The following RAP1A variants were observed in gnomAD, a reference collection of about 807,000 sequenced individuals.
RAP1A encodes the protein ras-related protein Rap-1A.
RAP1A carries 6 observed loss-of-function variants against 26.4 expected under a neutral mutation model. That is an observed-to-expected ratio of 0.23 (90% CI 0.12 to 0.45). The LOEUF is 0.45. Among genes scored for constraint, RAP1A ranks in the 20% least tolerant of loss-of-function variants. The pLI is 0.99. For synonymous variants in RAP1A, 73 were observed against 79.4 expected (o/e 0.92, Z 0.43); for missense variants, 121 against 217.2 (o/e 0.56, Z 2.78).
At chr1:111,700,803 G>A (rs183052354) in intron 4 of RAP1A, among the ~76,000 whole-genome samples, 1 of 152,144 alleles carries the variant, frequency 6.6e-6, no homozygotes, top group African/African-American at 2.4e-5. Flanking sequence ...AAACCATGGA[G>A]TCGTCCTTGA....
intron 1 of RAP1A, among the ~76,000 whole-genome samples, chr1:111,556,918 C>T (rs114390340): frequency 0.082 from 12,117 of 148,558 alleles, 1,143 homozygotes; most frequent in African/African-American, 0.23. Flanking sequence ...TATGTATGTA[C>T]ATATATATTA....
At chr1:111,661,404 C>CT (rs1660632943) in intron 1 of RAP1A, among the ~76,000 whole-genome samples, 1 of 152,138 alleles carries the variant, frequency 6.6e-6, no homozygotes, top group Non-Finnish European at 1.5e-5. Flanking sequence ...CTTATTTAGT[C>CT]TGTTATGGTT....
At chr1:111,603,438 G>C (rs1291414921) in intron 1 of RAP1A, among the ~76,000 whole-genome samples, 1 of 152,170 alleles carries the variant, frequency 6.6e-6, no homozygotes, top group East Asian at 1.9e-4. Flanking sequence ...GTGGAAATTA[G>C]TTTACTGGGG....
intron 1 of RAP1A, among the ~76,000 whole-genome samples, chr1:111,685,619 A>G (rs1487086004): frequency 6.6e-6 from 1 of 152,188 alleles, no homozygotes; most frequent in Non-Finnish European, 1.5e-5. Flanking sequence ...AAAAGTCAGG[A>G]AACAACATAT....
At chr1:111,666,194 A>T (rs2101169307) in intron 1 of RAP1A, among the ~76,000 whole-genome samples, 1 of 152,340 alleles carries the variant, frequency 6.6e-6, no homozygotes, top group East Asian at 1.9e-4. Flanking sequence ...CATGACATGA[A>T]AATTCACAGT....
At chr1:111,712,366 A>G (rs1662410555) in intron 7 of RAP1A, 65 bp from the exon 8 acceptor site, 1 of 152,488 alleles carries the variant, frequency 6.6e-6, no homozygotes, top group Non-Finnish European at 1.5e-5. Context: ...CTGCTTGTTT[A>G]GTACCATTTT....
At chr1:111,607,742 T>G (rs1658821653) in intron 1 of RAP1A, among the ~76,000 whole-genome samples, 1 of 123,964 alleles carries the variant, frequency 8.1e-6, no homozygotes, top group South Asian at 2.6e-4. Context: ...GCAGAGGGGC[T>G]CCTCACTTCC....
At chr1:111,591,742 G>A (rs548168988) in intron 1 of RAP1A, among the ~76,000 whole-genome samples, 17 of 152,240 alleles carry the variant, frequency 1.1e-4, no homozygotes, top group African/African-American at 4.1e-4. Context: ...CTATCTTTCT[G>A]TTCTGTCATC....
chr1:111,551,804 A>G (rs1015564992), intron 1 of RAP1A, among the ~76,000 whole-genome samples: 1 of 149,726 alleles, frequency 6.7e-6, no homozygotes, highest in Non-Finnish European at 1.5e-5. Flanking sequence ...GGATTCTGCA[A>G]CTTTATTGGG....
intron 4 of RAP1A, among the ~76,000 whole-genome samples, chr1:111,700,418 G>A (rs758158557): frequency 1.3e-5 from 2 of 152,098 alleles, no homozygotes; most frequent in Admixed American, 6.5e-5. Context: ...AAGAGTGAGC[G>A]GGAGATGCCA....
chr1:111,649,115 G>A (rs1244875482), intron 1 of RAP1A: 21 of 592,598 alleles, frequency 3.5e-5, no homozygotes, highest in Middle Eastern at 4.8e-4. Context: ...GATGGGCATT[G>A]TCAATCTGCA....
At chr1:111,707,391 CAATA>C (rs1571577585) in intron 6 of RAP1A, among the ~76,000 whole-genome samples, 1 of 151,976 alleles carries the variant, frequency 6.6e-6, no homozygotes, top group African/African-American at 2.4e-5. Flanking sequence ...GATGTAAGAA[CAATA>C]AAGAAGAATT....
chr1:111,578,136 C>T (rs997716440), intron 1 of RAP1A, among the ~76,000 whole-genome samples: 3 of 151,968 alleles, frequency 2.0e-5, no homozygotes, highest in Admixed American at 1.3e-4. Flanking sequence ...TGTGTTTGAA[C>T]TGAGTTTTGA....
intron 6 of RAP1A, among the ~76,000 whole-genome samples, chr1:111,706,148 T>C (rs1362169197): frequency 6.6e-6 from 1 of 152,202 alleles, no homozygotes; most frequent in Non-Finnish European, 1.5e-5. Context: ...TGAAATGCAT[T>C]AGCCATCTCA....
chr1:111,637,111 C>T (rs574698020), intron 1 of RAP1A, among the ~76,000 whole-genome samples: 1 of 152,170 alleles, frequency 6.6e-6, no homozygotes, highest in South Asian at 2.1e-4. Context: ...TTATTTATCT[C>T]CATATTTTCA....
At chr1:111,579,877 T>C (rs1383568964) in intron 1 of RAP1A, among the ~76,000 whole-genome samples, 2 of 151,758 alleles carry the variant, frequency 1.3e-5, no homozygotes, top group Non-Finnish European at 2.9e-5. Context: ...TGGTGTGATC[T>C]CGGCTCACTG....
At chr1:111,698,517 G>T (rs1380055645) in intron 4 of RAP1A, among the ~76,000 whole-genome samples, 3 of 152,042 alleles carry the variant, frequency 2.0e-5, no homozygotes, top group African/African-American at 7.3e-5. Flanking sequence ...GTTCTTCCTG[G>T]CTCTGCTTCT....
In RAP1A at chr1:111,629,256, T is replaced by C. The variant is rs1571509464; in HGVS notation, c.-28+9322T>C. Among the ~76,000 whole-genome samples, 4 of 152,272 alleles carry C rather than the reference T, an allele frequency of 2.6e-5. No homozygotes were observed. In the East Asian group the frequency reaches 7.7e-4, roughly 29 times the overall value. On this transcript the variant is annotated intron_variant, in intron 1 of 7. Coordinates refer to ENST00000369709, the MANE Select transcript of RAP1A (RefSeq NM_002884.4). ...AAAAACATTACTTTTAGTGTTCCTG[T>C]TTTCTCTCTCAGCCCTGAATTTTCC...
intron 2 of RAP1A, among the ~76,000 whole-genome samples, chr1:111,691,622 A>G (rs889494615): frequency 6.6e-6 from 1 of 152,208 alleles, no homozygotes; most frequent in African/African-American, 2.4e-5. Context: ...ATATTTACCA[A>G]ATATTTATTG....
Sources: allele counts gnomAD v4.1 joint callset (sites outside exome capture counted in the v4.1 genomes callset), GRCh38; gene constraint gnomAD v4.1.1; transcripts MANE v1.5; gene names NCBI Gene and HGNC (gene_info 2026-07-23, HGNC 2026-07-21).